Variants in GLYATL3 observed in about 807,000 individuals in gnomAD.
GLYATL3 encodes the protein glycine-N-acyltransferase like 3, also known as glycine N-acyltransferase-like protein 3.
In GLYATL3, 31 loss-of-function variants were observed where a neutral mutation model predicts 28.5. The ratio of observed to expected loss-of-function variants is 1.09; its 90% CI spans 0.82 to 1.47. The LOEUF is 1.47. Among genes scored for constraint, GLYATL3 ranks in the 40% most tolerant of loss-of-function variants. The pLI, the probability that GLYATL3 is intolerant of heterozygous loss-of-function variation, is 0.00. For synonymous variants in GLYATL3, 141 were observed against 140.2 expected (o/e 1.01, Z -0.04); for missense variants, 369 against 351.5 (o/e 1.05, Z -0.40).
intron 2 of GLYATL3, among the ~76,000 whole-genome samples, chr6:49,515,376 T>C (rs553967274): frequency 9.9e-5 from 15 of 152,198 alleles, no homozygotes; most frequent in Non-Finnish European, 1.6e-4. Context: ...AGTAAGCCTA[T>C]GAATTTGGTA....
intron 1 of GLYATL3, among the ~76,000 whole-genome samples, chr6:49,508,372 A>G (rs1249225264): frequency 6.6e-6 from 1 of 152,220 alleles, no homozygotes; most frequent in Non-Finnish European, 1.5e-5. Flanking sequence ...TTAGCAAGAT[A>G]TTAATCAGCA....
chr6:49,517,847 T>C (rs1373363686), intron 4 of GLYATL3, among the ~76,000 whole-genome samples: 2 of 152,218 alleles, frequency 1.3e-5, no homozygotes, highest in African/African-American at 4.8e-5. Context: ...TACTGTAATA[T>C]GGATGGATAT....
chr6:49,505,559 A>C (rs1768997175), intron 1 of GLYATL3, among the ~76,000 whole-genome samples: 1 of 152,216 alleles, frequency 6.6e-6, no homozygotes, highest in Non-Finnish European at 1.5e-5. Flanking sequence ...AGAATCCAGG[A>C]AGTATTTCCT....
rs1191226867 is a variant in GLYATL3 at position 49,526,873 on chromosome 6, A to G, written c.826A>G (p.Ile276Val). 1 of 1,546,500 alleles carries G rather than the reference A, an allele frequency of 6.5e-7. No homozygotes were observed. ...CTTGCCTTGTCGCTTCCACAGGCTTATTCTCACCCCTGCGACTTTCTCTGG... is the reference window on the plus strand; with the variant it reads ...CTTGCCTTGTCGCTTCCACAGGCTTGTTCTCACCCCTGCGACTTTCTCTGG... ...EFLPCRFHRL[I>V]LTPATFSGLP... The change falls in exon 6 of 6, where the codon ATT becomes GTT. Residue 276 changes from isoleucine (I) to valine (V), a missense_variant. Coordinates refer to ENST00000371197, the MANE Select transcript of GLYATL3 (RefSeq NM_001010904.2).
intron 1 of GLYATL3, among the ~76,000 whole-genome samples, chr6:49,504,840 A>T (rs185693347): frequency 6.6e-6 from 1 of 152,216 alleles, no homozygotes; most frequent in Non-Finnish European, 1.5e-5. Context: ...TAACATGAGA[A>T]GTGGCTTCTC....
chr6:49,502,710 A>G lies in GLYATL3; in HGVS notation c.-29+2668A>G, dbSNP rs529001172. 1.3e-3 allele frequency among the ~76,000 whole-genome samples: 195 copies of G among 152,346 alleles called. 1 individual carries two copies. The highest frequency in any genetic ancestry group is 4.1e-3 in the African/African-American group (172 of 41,584). ...CAAAATGAACAGTTTGAATAGATTG[A>G]TGTAATGCAACTCCAGCAGTAGCAG... On this transcript the variant is annotated intron_variant, in intron 1 of 5. Transcript: ENST00000371197.
chr6:49,509,370 A>G (rs996690947), intron 1 of GLYATL3, among the ~76,000 whole-genome samples: 4 of 152,220 alleles, frequency 2.6e-5, no homozygotes, highest in African/African-American at 9.6e-5. Flanking sequence ...ACACATTAAT[A>G]TATATTGTTG....
chr6:49,512,449 C>A (rs9381792), intron 2 of GLYATL3, among the ~76,000 whole-genome samples: 13 of 151,630 alleles, frequency 8.6e-5, no homozygotes, highest in Non-Finnish European at 1.6e-4. Context: ...TCTCCCTCCC[C>A]TTTCCTCTCA....
intron 1 of GLYATL3, among the ~76,000 whole-genome samples, chr6:49,511,276 C>G (rs1769117685): frequency 1.3e-5 from 2 of 152,180 alleles, no homozygotes; most frequent in Non-Finnish European, 2.9e-5. Flanking sequence ...TGCATGAGAA[C>G]AGATGACTTT....
At position 49,526,707 on chromosome 6, in the gene GLYATL3, A is replaced by G. The variant is rs573108121; in HGVS notation, c.660A>G (p.Glu220=). 5.2e-6 allele frequency: 8 copies of G among 1,551,724 alleles called. No individual in the cohort carries two copies. The South Asian group carries it at 7.1e-5, about 14-fold the overall frequency. ...ATMCHGYTLP[E]HRRKGYSRLV... ...TGTGCCATGGCTACACCCTGCCAGA[A>G]CATCGCAGGAAAGGTTACAGCCGGC... is the stretch of plus-strand genomic sequence containing the variant. The change falls in exon 6 of 6, where the codon GAA becomes GAG. Residue 220 remains glutamate, a synonymous_variant. Coordinates refer to ENST00000371197, the MANE Select transcript of GLYATL3 (RefSeq NM_001010904.2).
Position 49,524,907 on chromosome 6 carries a change from G to A in GLYATL3, c.441-1581G>A, listed in dbSNP as rs181187919. 2.9e-4 allele frequency among the ~76,000 whole-genome samples: 43 copies of A among 150,456 alleles called. No individual in the cohort carries two copies. The East Asian group carries it at 7.3e-3, about 25-fold the overall frequency. ...AGGCAGGAGAATCGCTTGAACTCAG[G>A]GGGCAGAGGTTGCAGTGAGCCACTG... On this transcript the variant is annotated intron_variant, in intron 5 of 5. Coordinates refer to ENST00000371197, the MANE Select transcript of GLYATL3 (RefSeq NM_001010904.2).
intron 1 of GLYATL3, among the ~76,000 whole-genome samples, chr6:49,507,245 A>G (rs1272182551): frequency 6.6e-6 from 1 of 152,094 alleles, no homozygotes; most frequent in Non-Finnish European, 1.5e-5. Flanking sequence ...GGATCACCAG[A>G]TGGAAAAGGA....
rs772309818 is a variant in GLYATL3, at chr6:49,526,920, T to TA, written c.*12dup. On this transcript the variant is annotated 3_prime_UTR_variant, in exon 6 of 6. Transcript: ENST00000371197. The stretch of plus-strand genomic sequence containing the variant: ...CTGGCCTGCCTCACCTCTAGCCCAG[T>TA]AAAAAACTGCAGTGGTTTTATTACT... 17 of 1,491,152 alleles carry TA rather than the reference T, an allele frequency of 1.1e-5. No homozygotes were observed. The highest frequency in any genetic ancestry group is 3.5e-4 in the Middle Eastern group (2 of 5,734). The allele number at this position is 1,491,152 out of a possible 1,614,324, so 92.4% of individuals were successfully genotyped here.
chr6:49,501,769 C>T (rs1768917502), intron 1 of GLYATL3, among the ~76,000 whole-genome samples: 2 of 152,184 alleles, frequency 1.3e-5, no homozygotes, highest in African/African-American at 4.8e-5. Flanking sequence ...TGTCTTAACC[C>T]TAAAGAGGCC....
chr6:49,501,350 G>A (rs979208761), intron 1 of GLYATL3, among the ~76,000 whole-genome samples: 1 of 152,144 alleles, frequency 6.6e-6, no homozygotes, highest in East Asian at 1.9e-4. Flanking sequence ...TTGGCAGGTC[G>A]AGAAATAAGA....
intron 2 of GLYATL3, among the ~76,000 whole-genome samples, chr6:49,513,672 A>T (rs1769161426): frequency 6.6e-6 from 1 of 152,198 alleles, no homozygotes; most frequent in African/African-American, 2.4e-5. Context: ...ACTAAGGGTG[A>T]TCCATGTTAC....
At chr6:49,500,322 G>A (rs187975770) in intron 1 of GLYATL3, among the ~76,000 whole-genome samples, 7 of 151,882 alleles carry the variant, frequency 4.6e-5, no homozygotes, top group Admixed American at 4.6e-4. Context: ...TTGTGATATG[G>A]GCACAACTAG....
At position 49,526,576 on chromosome 6, in the gene GLYATL3, T is replaced by C. The variant is rs982135057; in HGVS notation, c.529T>C (p.Cys177Arg). 5.2e-6 allele frequency: 8 copies of C among 1,551,742 alleles called. No individual in the cohort carries two copies. Among genetic ancestry groups the C allele is most frequent in the Non-Finnish European group, 7.0e-6 (8 of 1,147,034 alleles). ...RTWSRGGNEQCLRYIANLISC... is the reference protein window; with the variant it reads ...RTWSRGGNEQRLRYIANLISC... ...TTGGTCCCGGGGAGGCAATGAACAA[T>C]GTCTCCGGTACATCGCCAACCTCAT... Residue 177 changes from cysteine to arginine, a missense_variant, in exon 6 of 6, where the codon TGT becomes CGT. By Grantham distance (180) the Cys-to-Arg change is radical. Coordinates refer to ENST00000371197, the MANE Select transcript of GLYATL3 (RefSeq NM_001010904.2).
Position 49,527,110 on chromosome 6 carries a change from G to A in GLYATL3, c.*196G>A, listed in dbSNP as rs953381520. 11 of 541,824 alleles carry A rather than the reference G, an allele frequency of 2.0e-5. No homozygotes were observed. The highest frequency in any genetic ancestry group is 6.8e-5 in the Admixed American group (2 of 29,594). The allele number at this position is 541,824 out of a possible 1,614,324, so 33.6% of individuals were successfully genotyped here. The stretch of plus-strand genomic sequence containing the variant: ...GTTTCTCCAGTAAATAGCTGTGGGG[G>A]TGAAGAGTAGCTGTGGCTGAAGACT... On this transcript the variant is annotated 3_prime_UTR_variant, in exon 6 of 6. Transcript: ENST00000371197.
Sources: gnomAD v4.1 joint callset for allele counts (sites outside exome capture counted in the v4.1 genomes callset) on GRCh38, gnomAD v4.1.1 for gene constraint, MANE v1.5 for transcripts, NCBI Gene and HGNC (gene_info 2026-07-23, HGNC 2026-07-21) for gene names.